NTRK2: variants seen among roughly 807,000 people sequenced by gnomAD.
NTRK2 encodes BDNF/NT-3 growth factors receptor.
Under a neutral mutation model 94.5 loss-of-function variants are expected in NTRK2, and 13 were observed. The ratio of observed to expected loss-of-function variants is 0.14; its 90% confidence interval spans 0.09 to 0.22. The LOEUF is 0.22. Ranked by LOEUF, NTRK2 falls within the 10% of genes least tolerant of loss-of-function variation. The pLI, the probability that NTRK2 is intolerant of heterozygous loss-of-function variation, is 1.00. For missense variants in NTRK2, 639 were observed against 1,071.2 expected, an observed-to-expected ratio of 0.60 and a Z score of 5.63; for synonymous variants, 372 against 407.4, an observed-to-expected ratio of 0.91 and a Z score of 1.05.
At chr9:84,867,836 T>C (rs1048707065) in intron 14 of NTRK2, among the ~76,000 whole-genome samples, 2 of 152,172 alleles carry the variant, frequency 1.3e-5, no homozygotes, top group East Asian at 3.9e-4. Flanking sequence ...AAATATGCAC[T>C]CTAGGTAGTT....
At chr9:84,811,015 T>C in intron 12 of NTRK2, 1 of 1,108,930 alleles carries the variant, frequency 9.0e-7, no homozygotes, top group Non-Finnish European at 1.1e-6. Context: ...CAGGTATAAG[T>C]GCACACTGAA....
chr9:84,955,684 G>T, intron 17 of NTRK2, 167 bp downstream of exon 17: 1 of 720,860 alleles, frequency 1.4e-6, no homozygotes, highest in Non-Finnish European at 2.5e-6. Flanking sequence ...CTCAAGGTGT[G>T]AGTGGGATTG....
chr9:84,720,686 G>A (rs1023885658), intron 6 of NTRK2, among the ~76,000 whole-genome samples: 3 of 151,892 alleles, frequency 2.0e-5, no homozygotes, highest in African/African-American at 4.8e-5. Flanking sequence ...AAAAAAATGC[G>A]AAAAACAAAG....
At position 84,710,590 on chromosome 9, in the gene NTRK2, A is replaced by G. The variant is rs201337145; in HGVS notation, c.429-47A>G. 8.1e-5 allele frequency: 130 copies of G among 1,608,668 alleles called. 1 individual carries two copies. In the African/African-American group the frequency reaches 1.6e-3, roughly 20 times the overall value. On this transcript the variant is annotated intron_variant, in intron 5 of 18. Transcript: ENST00000277120. ...GTATTTTACAAGCACTAATGTAGCT[A>G]AAATGGAAAAAGGAACTTGATCTGT...
At chr9:84,998,777 AAG>A (rs1277081177) in intron 17 of NTRK2, among the ~76,000 whole-genome samples, 1 of 152,230 alleles carries the variant, frequency 6.6e-6, no homozygotes, top group Non-Finnish European at 1.5e-5. Flanking sequence ...CCATTAAGGA[AAG>A]AGAAGAAATT....
intron 12 of NTRK2, among the ~76,000 whole-genome samples, chr9:84,802,282 A>G (rs1207048393): frequency 6.6e-6 from 1 of 152,070 alleles, no homozygotes; most frequent in Non-Finnish European, 1.5e-5. Flanking sequence ...CTTTAAAAAG[A>G]AAAATAAACT....
chr9:84,786,862 G>A (rs1296565689), intron 12 of NTRK2, among the ~76,000 whole-genome samples: 2 of 152,100 alleles, frequency 1.3e-5, no homozygotes, highest in Non-Finnish European at 2.9e-5. Context: ...TGAAAAATAT[G>A]TCGAAAATCC....
chr9:84,902,815 G>T (rs556913752), intron 14 of NTRK2, among the ~76,000 whole-genome samples: 9 of 152,232 alleles, frequency 5.9e-5, no homozygotes, highest in African/African-American at 2.2e-4. Flanking sequence ...CTGCTTCTAT[G>T]AACTCCATGA....
rs1265907440 is a variant in NTRK2, at chr9:84,810,991, A to T, written c.1397-50049A>T. The stretch of plus-strand genomic sequence containing the variant: ...AATTGACCTGCAAAGTTAAAAAAAA[A>T]TTAAAGTTGAGAACAGGTATAAGTG... On this transcript the variant is annotated intron_variant, in intron 12 of 18. Coordinates refer to ENST00000277120, the MANE Select transcript of NTRK2 (RefSeq NM_006180.6). 4 of 1,118,598 alleles carry T rather than the reference A, an allele frequency of 3.6e-6. No individual in the cohort carries two copies. In the African/African-American group the frequency reaches 6.4e-5, roughly 18 times the overall value. 69.3% of individuals were successfully genotyped at this position (1,118,598 alleles called of 1,614,324 possible). A position where few individuals can be genotyped will look rare whatever the true frequency, so the allele number is the denominator to read the frequency against.
chr9:84,890,717 A>AT (rs2076570272), intron 14 of NTRK2, among the ~76,000 whole-genome samples: 3 of 152,220 alleles, frequency 2.0e-5, no homozygotes. Flanking sequence ...GAATGCCATG[A>AT]TTAAAAAATG....
chr9:84,963,780 T>C (rs1825232260), intron 17 of NTRK2, among the ~76,000 whole-genome samples: 1 of 152,232 alleles, frequency 6.6e-6, no homozygotes, highest in Non-Finnish European at 1.5e-5. Context: ...TTCCATGTTT[T>C]TGAATTCTGT....
intron 14 of NTRK2, chr9:84,872,447 C>T (rs2075901077): frequency 9.3e-7 from 1 of 1,074,668 alleles, no homozygotes; most frequent in Non-Finnish European, 1.1e-6. Flanking sequence ...CCTAGAGCAG[C>T]CTTGTAAATT....
intron 12 of NTRK2, chr9:84,811,051 T>C (rs201704204): frequency 1.6e-5 from 17 of 1,078,318 alleles, no homozygotes; most frequent in Non-Finnish European, 1.9e-5. Flanking sequence ...GTAACACATA[T>C]TTTAGTGTGA....
intron 11 of NTRK2, among the ~76,000 whole-genome samples, chr9:84,745,758 A>G (rs1232668584): frequency 6.6e-6 from 1 of 152,164 alleles, no homozygotes; most frequent in Non-Finnish European, 1.5e-5. Context: ...GTGGAGAAAC[A>G]TCGTGAAGGT....
At chr9:84,871,798 G>A in intron 14 of NTRK2, 1 of 1,613,698 alleles carries the variant, frequency 6.2e-7, no homozygotes. Context: ...GGGCCCAGAG[G>A]TTCCCCCAAG....
Position 85,026,667 on chromosome 9 carries a change from T to A in NTRK2, c.*5230T>A, listed in dbSNP as rs907356690. 8.6e-6 allele frequency: 2 copies of A among 232,898 alleles called. No homozygotes were observed. Among genetic ancestry groups the A allele is most frequent in the African/African-American group, 4.4e-5 (2 of 45,346 alleles). 14.4% of individuals were successfully genotyped at this position (232,898 alleles called of 1,614,324 possible). On this transcript the variant is annotated 3_prime_UTR_variant, in exon 19 of 19. Coordinates refer to ENST00000277120, the MANE Select transcript of NTRK2 (RefSeq NM_006180.6). ...GCCTGGAGATGTGGACATTCTGCATTTGCTTCTGTATCTGGAGAGATGTTT... is the reference window on the plus strand; with the variant it reads ...GCCTGGAGATGTGGACATTCTGCATATGCTTCTGTATCTGGAGAGATGTTT...
chr9:84,811,527 T>C (rs2071786855), intron 12 of NTRK2: 3 of 1,065,420 alleles, frequency 2.8e-6, no homozygotes, highest in Admixed American at 5.3e-5. Flanking sequence ...TATCTCATGC[T>C]GTTTGCATTA....
At position 85,007,006 on chromosome 9, in the gene NTRK2, G is replaced by A. The variant is rs1000465998; in HGVS notation, c.2173-13200G>A. 7.2e-5 allele frequency among the ~76,000 whole-genome samples: 11 copies of A among 152,164 alleles called. No individual in the cohort carries two copies. In the East Asian group the frequency reaches 1.5e-3, roughly 21 times the overall value. The stretch of plus-strand genomic sequence containing the variant: ...CCCACCTCTGAGACCATTCCCTAGG[G>A]CAACCACATACAATCCATTCATTTG... On this transcript the variant is annotated intron_variant, in intron 17 of 18. Coordinates refer to ENST00000277120, the MANE Select transcript of NTRK2 (RefSeq NM_006180.6).
At chr9:84,846,561 G>T (rs1304642466) in intron 12 of NTRK2, among the ~76,000 whole-genome samples, 1 of 152,168 alleles carries the variant, frequency 6.6e-6, no homozygotes, top group Admixed American at 6.5e-5. Context: ...TATAAAGATT[G>T]GGCTTAGATG....
Sources: allele counts gnomAD v4.1 joint callset (sites outside exome capture counted in the v4.1 genomes callset), GRCh38; gene constraint gnomAD v4.1.1; transcripts MANE v1.5; gene names NCBI Gene and HGNC (gene_info 2026-07-23, HGNC 2026-07-21).